Variants in SGCD observed in about 807,000 individuals in gnomAD.
SGCD encodes delta-sarcoglycan.
A neutral mutation model predicts 36.6 loss-of-function variants in SGCD; 18 were observed. The ratio of observed to expected loss-of-function variants is 0.49; its 90% CI spans 0.34 to 0.73. SGCD has a LOEUF of 0.73. SGCD is among the 30% of genes least tolerant of loss of function. SGCD has a pLI of 0.01. For missense variants in SGCD, 387 were observed against 346.7 expected (o/e 1.12, Z -0.92); for synonymous variants, 133 against 130.6 (o/e 1.02, Z -0.12).
intron 3 of SGCD, among the ~76,000 whole-genome samples, chr5:156,468,773 C>G (rs1754825341): frequency 6.6e-6 from 1 of 152,164 alleles, no homozygotes; most frequent in African/African-American, 2.4e-5. Flanking sequence ...GGGTGGATCA[C>G]TTGAGGTCAG....
intron 4 of SGCD, among the ~76,000 whole-genome samples, chr5:156,537,138 G>A (rs1758148195): frequency 6.6e-6 from 1 of 152,136 alleles, no homozygotes; most frequent in Non-Finnish European, 1.5e-5. Context: ...TGAACAGGCT[G>A]TTTTCCCCAT....
intron 1 of SGCD, among the ~76,000 whole-genome samples, chr5:156,071,493 A>G (rs1315298146): frequency 2.6e-5 from 4 of 152,164 alleles, no homozygotes; most frequent in South Asian, 4.1e-4. Flanking sequence ...GTGGTCTGAG[A>G]GACAGTTTGT....
chr5:156,243,066 G>A (rs17053358), intron 3 of SGCD, among the ~76,000 whole-genome samples: 33,526 of 152,110 alleles, frequency 0.22, 4,342 homozygotes, highest in East Asian at 0.62. Context: ...ACTTGACCAC[G>A]GAGAGGACTG....
intron 7 of SGCD, among the ~76,000 whole-genome samples, chr5:156,695,158 G>GTA (rs2113714937): frequency 6.6e-6 from 1 of 151,384 alleles, no homozygotes; most frequent in African/African-American, 2.4e-5. Context: ...GTGTGTGTGT[G>GTA]TTGGTTAATT....
chr5:156,609,665 G>A (rs555083645), intron 6 of SGCD, among the ~76,000 whole-genome samples: 54 of 152,212 alleles, frequency 3.5e-4, no homozygotes, highest in African/African-American at 9.9e-4. Context: ...CATTCTCCCC[G>A]TCACTTTCAG....
intron 1 of SGCD, among the ~76,000 whole-genome samples, chr5:155,907,890 A>G (rs539956012): frequency 2.6e-4 from 40 of 152,292 alleles, no homozygotes; most frequent in Non-Finnish European, 3.1e-4. Flanking sequence ...AAATGCTACC[A>G]AACAGCATAG....
rs1469091652 is a variant in SGCD, at chr5:156,757,596, C to A, written c.591C>A (p.Thr197=). Residue 197 remains threonine (T), a synonymous_variant, in exon 8 of 9, where the codon ACC becomes ACA. Coordinates refer to ENST00000337851, the MANE Select transcript of SGCD (RefSeq NM_000337.6). ...TGTTTTTCAGGTTGGAGTCCCCAAC[C>A]CGGTCTCTAGTGATGGAGGCCCCAA... is the stretch of plus-strand genomic sequence containing the variant. The part of the protein sequence containing the change: ...PFKELRLESP[T]RSLVMEAPKG... The A allele has an allele frequency of 6.2e-7, 1 of 1,608,122 alleles. No homozygotes were observed. Among genetic ancestry groups the A allele is most frequent in the Non-Finnish European group, 8.5e-7 (1 of 1,176,940 alleles).
At chr5:156,192,998 A>G (rs73811537) in intron 3 of SGCD, among the ~76,000 whole-genome samples, 9,595 of 151,052 alleles carry the variant, frequency 0.064, 733 homozygotes, top group African/African-American at 0.19. Context: ...TGGACACCGA[A>G]ATTTTAATTT....
Position 156,498,120 on chromosome 5 carries a change from C to G in SGCD, c.193-10481C>G, listed in dbSNP as rs947770477. On this transcript the variant is annotated intron_variant, in intron 3 of 8. Transcript: ENST00000337851. ...GTGCACAAATAACAGTCATGTTTTA[C>G]CCTCTTTAACATACTACCTCTTTCC... Among the ~76,000 whole-genome samples, 25 of 151,992 alleles carry G rather than the reference C, an allele frequency of 1.6e-4. 1 individual carries two copies. Among genetic ancestry groups the G allele is most frequent in the Admixed American group, 6.6e-5 (1 of 15,236 alleles).
At chr5:156,550,442 T>C (rs1273121086) in intron 4 of SGCD, among the ~76,000 whole-genome samples, 1 of 152,214 alleles carries the variant, frequency 6.6e-6, no homozygotes, top group East Asian at 1.9e-4. Context: ...TGCCCCTGCT[T>C]ACCCATTCTC....
At chr5:155,820,472 C>T in the SGCD span, among the ~76,000 whole-genome samples, 4 of 151,752 alleles carry the variant, frequency 2.6e-5, no homozygotes, top group Non-Finnish European at 5.9e-5. Flanking sequence ...CTAGCCTGGG[C>T]AACATGGTGA....
intron 6 of SGCD, among the ~76,000 whole-genome samples, chr5:156,608,592 A>G (rs994538628): frequency 6.6e-6 from 1 of 151,996 alleles, no homozygotes; most frequent in African/African-American, 2.4e-5. Flanking sequence ...CAATTCCTGG[A>G]TATCCTTGTT....
intron 4 of SGCD, among the ~76,000 whole-genome samples, chr5:156,584,955 G>A (rs1274467271): frequency 1.3e-5 from 2 of 152,134 alleles, no homozygotes; most frequent in Non-Finnish European, 2.9e-5. Flanking sequence ...AGCCTAATGG[G>A]TGCCAGGAAT....
At chr5:156,610,764 G>A (rs866774468) in intron 6 of SGCD, among the ~76,000 whole-genome samples, 4 of 152,198 alleles carry the variant, frequency 2.6e-5, no homozygotes, top group Non-Finnish European at 4.4e-5. Flanking sequence ...CCCCAGCCTC[G>A]CTGCCACCTT....
intron 1 of SGCD, among the ~76,000 whole-genome samples, chr5:155,940,493 T>C (rs1461136371): frequency 1.3e-5 from 2 of 152,186 alleles, no homozygotes; most frequent in African/African-American, 4.8e-5. Flanking sequence ...TCTGCATCAT[T>C]TGGGCTGATT....
chr5:156,523,660 T>C (rs1211466952), intron 4 of SGCD, among the ~76,000 whole-genome samples: 2 of 152,096 alleles, frequency 1.3e-5, no homozygotes, highest in Admixed American at 6.5e-5. Flanking sequence ...CTGATTCTTA[T>C]GAAGGAACAA....
chr5:155,918,247 A>G (rs1021991882), intron 1 of SGCD, among the ~76,000 whole-genome samples: 1 of 152,216 alleles, frequency 6.6e-6, no homozygotes, highest in Admixed American at 6.5e-5. Flanking sequence ...ATAAATGAAG[A>G]TCACCAGAAT....
the SGCD span, among the ~76,000 whole-genome samples, chr5:155,836,571 G>T: frequency 6.6e-6 from 1 of 151,600 alleles, no homozygotes; most frequent in African/African-American, 2.4e-5. Context: ...GGGTTCAGAG[G>T]GAAAGCAGAC....
At chr5:156,575,647 G>A (rs1486482439) in intron 4 of SGCD, among the ~76,000 whole-genome samples, 2 of 152,056 alleles carry the variant, frequency 1.3e-5, no homozygotes, top group Non-Finnish European at 2.9e-5. Flanking sequence ...CCCTTTCCTG[G>A]TTTTAAAGAG....
Sources: gnomAD v4.1 joint callset for allele counts (sites outside exome capture counted in the v4.1 genomes callset) on GRCh38, gnomAD v4.1.1 for gene constraint, MANE v1.5 for transcripts, NCBI Gene and HGNC (gene_info 2026-07-23, HGNC 2026-07-21) for gene names.